Variants in GARNL3 observed in about 807,000 individuals in gnomAD.
The protein encoded by GARNL3 is GTPase-activating Rap/Ran-GAP domain-like protein 3.
Under a neutral mutation model 125.0 loss-of-function variants are expected in GARNL3, and 63 were observed. The observed-to-expected ratio is 0.50, with a 90% confidence interval of 0.41 to 0.62. The LOEUF (loss-of-function observed/expected upper bound fraction) is 0.62. Ranked by LOEUF, GARNL3 falls within the 20% of genes least tolerant of loss-of-function variation. GARNL3 has a pLI of 0.00. For missense variants in GARNL3, 994 were observed against 1,244.0 expected, an observed-to-expected ratio of 0.80 and a Z score of 3.02; for synonymous variants, 439 against 457.5, an observed-to-expected ratio of 0.96 and a Z score of 0.52.
intron 6 of GARNL3, among the ~76,000 whole-genome samples, chr9:127,321,466 C>T (rs2065399416): frequency 6.6e-6 from 1 of 152,094 alleles, no homozygotes; most frequent in Non-Finnish European, 1.5e-5. Flanking sequence ...AAAACGTGGT[C>T]GATTGAGCTC....
At chr9:127,240,506 G>T (rs1373435203) in intron 1 of GARNL3, among the ~76,000 whole-genome samples, 1 of 152,198 alleles carries the variant, frequency 6.6e-6, no homozygotes, top group Non-Finnish European at 1.5e-5. Flanking sequence ...CTTGTCTCAG[G>T]TGGGGACAAC....
intron 7 of GARNL3, among the ~76,000 whole-genome samples, chr9:127,332,018 A>T (rs1829287401): frequency 6.6e-6 from 1 of 152,036 alleles, no homozygotes; most frequent in African/African-American, 2.4e-5. Context: ...TATCCTAGAG[A>T]TGCCATTAGT....
chr9:127,232,578 G>A (rs984353482), intron 1 of GARNL3, among the ~76,000 whole-genome samples: 11 of 152,198 alleles, frequency 7.2e-5, no homozygotes, highest in Admixed American at 2.0e-4. Flanking sequence ...CAAGGCACTA[G>A]GATTACAGGC....
At chr9:127,300,126 A>G (rs894227774) in intron 2 of GARNL3, 5 of 326,496 alleles carry the variant, frequency 1.5e-5, no homozygotes, top group Admixed American at 3.5e-5. Flanking sequence ...CAGTGCTGTC[A>G]TCATTTACCT....
intron 8 of GARNL3, 81 bp from the exon 9 acceptor site, chr9:127,332,942 T>G (rs1284774209): frequency 4.2e-6 from 4 of 957,610 alleles, no homozygotes; most frequent in Non-Finnish European, 6.8e-6. Context: ...CCAGTTAATT[T>G]TCCAGCGATT....
Position 127,390,765 on chromosome 9 carries a change from C to A in GARNL3, c.2868C>A (p.Asp956Glu), listed in dbSNP as rs1248723199. The A allele has an allele frequency of 8.7e-6, 14 of 1,612,918 alleles. No homozygotes were observed. Among genetic ancestry groups the A allele is most frequent in the African/African-American group, 1.3e-5 (1 of 74,886 alleles). The change falls in exon 27 of 28, where the codon GAC becomes GAA. Residue 956 changes from aspartate to glutamate, a missense_variant and splice_region_variant. Physicochemically the swap from Asp to Glu is conservative, Grantham distance 45. Transcript: ENST00000373387. ...KPGAVRSSSS[D>E]RIPSGSLESA... ...GGGCAGTGAGGTCATCTAGCAGTGA[C>A]AGGTAAAGAGAGGGAGAGGCCCCTG... is the stretch of plus-strand genomic sequence containing the variant.
chr9:127,262,359 C>T (rs767059407), upstream of GARNL3, among the ~76,000 whole-genome samples: 3 of 152,148 alleles, frequency 2.0e-5, no homozygotes, highest in Non-Finnish European at 4.4e-5. Context: ...CAATCAGAGA[C>T]CCATGTTTTT....
intron 2 of GARNL3, among the ~76,000 whole-genome samples, chr9:127,257,602 G>A (rs1201219711): frequency 2.6e-5 from 4 of 152,218 alleles, no homozygotes; most frequent in East Asian, 1.9e-4. Context: ...TGGACACACC[G>A]ATTCTGTAGG....
chr9:127,315,621 A>G (rs558590511), intron 4 of GARNL3, among the ~76,000 whole-genome samples: 2 of 152,230 alleles, frequency 1.3e-5, no homozygotes, highest in Admixed American at 1.3e-4. Flanking sequence ...AGCCTGAGCA[A>G]CAGAGCAAGA....
At chr9:127,290,472 G>A (rs906373587) in intron 1 of GARNL3, among the ~76,000 whole-genome samples, 7 of 152,196 alleles carry the variant, frequency 4.6e-5, no homozygotes, top group Non-Finnish European at 8.8e-5. Context: ...ATTGTGGGTA[G>A]ATTTAAAGGC....
At chr9:127,354,131 G>T (rs985308392) in intron 18 of GARNL3, among the ~76,000 whole-genome samples, 163 bp from the exon 19 acceptor site, 26 of 152,136 alleles carry the variant, frequency 1.7e-4, no homozygotes, top group African/African-American at 6.3e-4. Flanking sequence ...GGGGGAAAGG[G>T]GTGCATACGT....
At chr9:127,267,083 G>T (rs548712490) in intron 1 of GARNL3, among the ~76,000 whole-genome samples, 1 of 152,144 alleles carries the variant, frequency 6.6e-6, no homozygotes, top group African/African-American at 2.4e-5. Context: ...TGATATTGCT[G>T]GTCCCAGGAT....
At chr9:127,331,719 G>GTTTTTTTTTTTTTTTTTTTTTTTTTT (rs755236965) in intron 7 of GARNL3, among the ~76,000 whole-genome samples, 1 of 10,278 alleles carries the variant, frequency 9.7e-5, no homozygotes, top group Non-Finnish European at 1.9e-4. Context: ...GCTTGGGCTT[G>GTTTTTTTTTTTTTTTTTTTTTTTTTT]CTTTTTTTTT....
At chr9:127,294,237 G>A (rs192942982) in intron 2 of GARNL3, among the ~76,000 whole-genome samples, 15 of 152,280 alleles carry the variant, frequency 9.9e-5, no homozygotes, top group Non-Finnish European at 1.8e-4. Flanking sequence ...ACCTCTGTGC[G>A]TTCCCACTTG....
intron 2 of GARNL3, among the ~76,000 whole-genome samples, chr9:127,308,099 C>T (rs1359574227): frequency 6.6e-6 from 1 of 152,166 alleles, no homozygotes; most frequent in Non-Finnish European, 1.5e-5. Flanking sequence ...TGCGAAAGTC[C>T]TACAAGGAAC....
At chr9:127,271,585 A>G (rs967969602) in intron 1 of GARNL3, among the ~76,000 whole-genome samples, 2 of 150,506 alleles carry the variant, frequency 1.3e-5, no homozygotes, top group African/African-American at 5.0e-5. Flanking sequence ...AGACACAGCT[A>G]TCACACCATC....
At chr9:127,261,499 C>G (rs1245455147), upstream of GARNL3, among the ~76,000 whole-genome samples, 1 of 150,834 alleles carries the variant, frequency 6.6e-6, no homozygotes, top group Non-Finnish European at 1.5e-5. Context: ...CAACCTCTGC[C>G]TCCCAGGTTC....
intron 1 of GARNL3, 36 bp from the exon 2 acceptor site, chr9:127,291,132 T>C: frequency 6.3e-7 from 1 of 1,598,988 alleles, no homozygotes; most frequent in Non-Finnish European, 8.6e-7. Context: ...AGAGACATTG[T>C]AAATGCTTCC....
chr9:127,332,207 C>A, intron 7 of GARNL3, 67 bp from the exon 8 acceptor site: 1 of 1,167,024 alleles, frequency 8.6e-7, no homozygotes, highest in Non-Finnish European at 1.3e-6. Flanking sequence ...TCACGAACAG[C>A]CCATCTCAAA....
Sources: gnomAD v4.1 joint callset for allele counts (sites outside exome capture counted in the v4.1 genomes callset) on GRCh38, gnomAD v4.1.1 for gene constraint, MANE v1.5 for transcripts, NCBI Gene and HGNC (gene_info 2026-07-23, HGNC 2026-07-21) for gene names.